The following NTM variants were observed in gnomAD, a reference collection of about 807,000 sequenced individuals.
NTM encodes the protein IgLON family member 2.
Under a neutral mutation model 42.1 loss-of-function variants are expected in NTM, and 13 were observed. The ratio of observed to expected loss-of-function variants is 0.31; its 90% confidence interval spans 0.20 to 0.49. NTM has a LOEUF of 0.49. Ranked by LOEUF, NTM falls within the 20% of genes least tolerant of loss-of-function variation. NTM has a pLI of 0.99. For missense variants in NTM, 373 were observed against 452.8 expected, an observed-to-expected ratio of 0.82 and a Z score of 1.60; for synonymous variants, 187 against 179.2, an observed-to-expected ratio of 1.04 and a Z score of -0.35.
intron 2 of NTM, among the ~76,000 whole-genome samples, chr11:132,121,779 A>G (rs1195998878): frequency 6.6e-6 from 1 of 152,080 alleles, no homozygotes; most frequent in African/African-American, 2.4e-5. Flanking sequence ...GTTTTCATGC[A>G]TAATAACTTA....
chr11:131,799,846 T>G (rs2091952255), intron 1 of NTM, among the ~76,000 whole-genome samples: 1 of 152,238 alleles, frequency 6.6e-6, no homozygotes, highest in African/African-American at 2.4e-5. Context: ...CCCAGTGTGA[T>G]GGAAGGCATC....
chr11:132,242,029 G>A (rs905996567), intron 4 of NTM, among the ~76,000 whole-genome samples: 4 of 152,170 alleles, frequency 2.6e-5, no homozygotes, highest in African/African-American at 4.8e-5. Context: ...TTGCTCAATT[G>A]TACTTTGCAA....
chr11:131,786,776 A>G (rs1331049423), intron 1 of NTM, among the ~76,000 whole-genome samples: 2 of 152,220 alleles, frequency 1.3e-5, no homozygotes, highest in Non-Finnish European at 2.9e-5. Flanking sequence ...CATCATCAAC[A>G]CTGGTTAGCA....
At chr11:131,921,363 C>T (rs1034403416) in intron 2 of NTM, among the ~76,000 whole-genome samples, 1 of 152,046 alleles carries the variant, frequency 6.6e-6, no homozygotes, top group African/African-American at 2.4e-5. Context: ...AGTGATGCAC[C>T]CACAAGCCAA....
At chr11:132,169,248 G>A (rs2075750105) in intron 3 of NTM, among the ~76,000 whole-genome samples, 1 of 144,272 alleles carries the variant, frequency 6.9e-6, no homozygotes, top group Non-Finnish European at 1.5e-5. Context: ...CTTTATGAAA[G>A]TCTTTCTGAG....
intron 1 of NTM, among the ~76,000 whole-genome samples, chr11:131,609,560 G>A (rs114225628): frequency 0.014 from 2,071 of 152,252 alleles, 47 homozygotes; most frequent in African/African-American, 0.047. Context: ...ACTTAATCCC[G>A]AGAAGATCGA....
At chr11:132,052,773 C>CTGTGTGTGTGTGTGTG (rs5795753) in intron 2 of NTM, among the ~76,000 whole-genome samples, 5 of 148,272 alleles carry the variant, frequency 3.4e-5, no homozygotes, top group African/African-American at 1.2e-4. Context: ...TCCAGGCTCA[C>CTGTGTGTGTGTGTGTG]TGTGTGTGTG....
chr11:132,306,278 G>C (rs1182187610), intron 4 of NTM: 3 of 152,154 alleles, frequency 2.0e-5, no homozygotes, highest in Non-Finnish European at 4.4e-5. Context: ...ATCCCTTGTT[G>C]TATCGGTTTT....
chr11:131,907,905 G>C (rs1326691437), intron 1 of NTM, among the ~76,000 whole-genome samples: 3 of 152,180 alleles, frequency 2.0e-5, no homozygotes, highest in East Asian at 1.9e-4. Flanking sequence ...ATATGATTTT[G>C]ATCTTCATCT....
intron 1 of NTM, among the ~76,000 whole-genome samples, chr11:131,814,769 C>A (rs1475954387): frequency 6.6e-6 from 1 of 152,204 alleles, no homozygotes; most frequent in African/African-American, 2.4e-5. Context: ...TCCACCACCT[C>A]TGCAGCTGCT....
At chr11:131,655,321 C>A (rs369538035) in intron 1 of NTM, among the ~76,000 whole-genome samples, 5 of 152,208 alleles carry the variant, frequency 3.3e-5, no homozygotes, top group East Asian at 3.8e-4. Flanking sequence ...CAGAGCTATC[C>A]TTTGTGTTTT....
In NTM at chr11:131,789,467, A is replaced by G. The variant is rs1258548173; in HGVS notation, c.83-122097A>G. 2.8e-4 allele frequency among the ~76,000 whole-genome samples: 4 copies of G among 14,202 alleles called. 1 individual carries two copies. The highest frequency in any genetic ancestry group is 1.5e-3 in the East Asian group (1 of 654). The allele number at this position is 14,202 out of a possible 152,430, so 9.3% of individuals were successfully genotyped here. On this transcript the variant is annotated intron_variant, in intron 1 of 8. Transcript: ENST00000683400. ...GAAGAAGAAGAAGAAGAAGAAGAAG[A>G]AGAAGAAGAAGAAGAAGAAGAAGAG...
rs151258859 is a variant in NTM at position 131,970,643 on chromosome 11, A to G, written c.167+58995A>G. 2.6e-5 allele frequency among the ~76,000 whole-genome samples: 4 copies of G among 152,280 alleles called. No individual in the cohort carries two copies. In the East Asian group the frequency reaches 7.7e-4, roughly 29 times the overall value. ...TTTTATTCCCAGGCTTATGCCAGTTATGATATACATTCCAATCTTATACCT... is the reference window on the plus strand; with the variant it reads ...TTTTATTCCCAGGCTTATGCCAGTTGTGATATACATTCCAATCTTATACCT... On this transcript the variant is annotated intron_variant, in intron 2 of 8. Transcript: ENST00000683400.
chr11:132,245,506 T>C (rs1001454843), intron 4 of NTM, among the ~76,000 whole-genome samples: 5 of 152,104 alleles, frequency 3.3e-5, no homozygotes, highest in Admixed American at 1.3e-4. Context: ...CGGAGCATTT[T>C]ATGCACGGTG....
chr11:131,934,375 G>A (rs1308049123), intron 2 of NTM, among the ~76,000 whole-genome samples: 1 of 152,150 alleles, frequency 6.6e-6, no homozygotes, highest in Non-Finnish European at 1.5e-5. Context: ...AATAGTAGAA[G>A]TAATTAATAG....
intron 1 of NTM, among the ~76,000 whole-genome samples, chr11:131,641,473 G>T (rs1193985766): frequency 3.3e-5 from 5 of 152,130 alleles, no homozygotes; most frequent in African/African-American, 1.2e-4. Context: ...CCTCTACGAA[G>T]CCTCTCTGAG....
At chr11:131,771,217 TTA>T (rs1359978342) in intron 1 of NTM, 1 of 152,140 alleles carries the variant, frequency 6.6e-6, no homozygotes, top group African/African-American at 2.4e-5. Flanking sequence ...CTTTTATCAA[TTA>T]TGTTATTCTT....
intron 1 of NTM, among the ~76,000 whole-genome samples, chr11:131,782,901 C>T (rs1409381044): frequency 1.3e-5 from 2 of 152,146 alleles, no homozygotes; most frequent in African/African-American, 2.4e-5. Context: ...GGAATGAATA[C>T]TTTCCCTCTA....
rs1476096897 is a variant in NTM, at chr11:132,003,534, C to T, written c.167+91886C>T. On this transcript the variant is annotated intron_variant, in intron 2 of 8. Transcript: ENST00000683400. This position sits in a 1 kb window ranked among gnomAD's most constrained non-coding sequence, Gnocchi z 6.0. ...GTGCTGGGATTATAAGCATTAGCCA[C>T]TGCGCCTGGCCCATGATTTGCATTT... Among the ~76,000 whole-genome samples the T allele has an allele frequency of 1.3e-5, 2 of 152,202 alleles. No homozygotes were observed. The highest frequency in any genetic ancestry group is 2.1e-4 in the South Asian group (1 of 4,832).
Sources: allele counts gnomAD v4.1 joint callset (sites outside exome capture counted in the v4.1 genomes callset), GRCh38; gene constraint gnomAD v4.1.1; non-coding constraint Gnocchi (gnomAD v3.1); transcripts MANE v1.5; gene names NCBI Gene and HGNC (gene_info 2026-07-23, HGNC 2026-07-21).